Variants in SULF1 observed in about 807,000 individuals in gnomAD.
SULF1 encodes the protein extracellular sulfatase Sulf-1.
Under a neutral mutation model 110.5 loss-of-function variants are expected in SULF1, and 46 were observed. That is an observed-to-expected ratio of 0.42 (90% CI 0.33 to 0.53). The LOEUF is 0.53. Among genes scored for constraint, SULF1 ranks in the 20% least tolerant of loss-of-function variants. The pLI, the probability that SULF1 is intolerant of heterozygous loss-of-function variation, is 0.12. For missense variants in SULF1, 941 were observed against 1,094.2 expected (o/e 0.86, Z 1.98); for synonymous variants, 371 against 387.1 (o/e 0.96, Z 0.49).
chr8:69,485,218 G>T (rs1248664605), intron 1 of SULF1, among the ~76,000 whole-genome samples: 4 of 152,098 alleles, frequency 2.6e-5, no homozygotes, highest in African/African-American at 7.2e-5. Context: ...CCCAAAATAG[G>T]AATGACTAGG....
At chr8:69,637,011 G>A (rs1225054551) in intron 19 of SULF1, among the ~76,000 whole-genome samples, 1 of 152,096 alleles carries the variant, frequency 6.6e-6, no homozygotes, top group Non-Finnish European at 1.5e-5. Flanking sequence ...GCTGTTCATC[G>A]CACGTCACAA....
chr8:69,636,025 T>C (rs1185279005), intron 19 of SULF1, among the ~76,000 whole-genome samples: 3 of 152,116 alleles, frequency 2.0e-5, no homozygotes, highest in African/African-American at 7.2e-5. Context: ...AGAGGTAGCT[T>C]TGGGGATTAA....
rs113503817 is a variant in SULF1 at position 69,601,383 on chromosome 8, C to T, written c.886-271C>T. 5.8e-4 allele frequency among the ~76,000 whole-genome samples: 88 copies of T among 152,108 alleles called. No individual in the cohort carries two copies. In the South Asian group the frequency reaches 0.015, roughly 27 times the overall value. Reference sequence around the variant, plus strand: ...AAGTTTGATGGTAGAGGTTGTTGTGCGGGGTGTTTTTGTTTTTGTTCTACC... The same window carrying T: ...AAGTTTGATGGTAGAGGTTGTTGTGTGGGGTGTTTTTGTTTTTGTTCTACC... On this transcript the variant is annotated intron_variant, in intron 9 of 22. Transcript: ENST00000402687.
intron 5 of SULF1, among the ~76,000 whole-genome samples, chr8:69,574,281 A>T (rs1297347172): frequency 6.6e-6 from 1 of 152,132 alleles, no homozygotes; most frequent in African/African-American, 2.4e-5. Context: ...TTTCATGAAG[A>T]GAATTCTCCA....
intron 3 of SULF1, among the ~76,000 whole-genome samples, chr8:69,518,023 T>G (rs1041869716): frequency 6.6e-6 from 1 of 152,248 alleles, no homozygotes; most frequent in Non-Finnish European, 1.5e-5. Flanking sequence ...GGCTTTCAGT[T>G]AGTTGAACTT....
chr8:69,547,057 T>C (rs535334978), intron 3 of SULF1, among the ~76,000 whole-genome samples: 26 of 152,310 alleles, frequency 1.7e-4, no homozygotes, highest in African/African-American at 6.0e-4. Context: ...AAGTTGACAA[T>C]TATAAAACAA....
chr8:69,599,834 T>C (rs989886703), intron 8 of SULF1, among the ~76,000 whole-genome samples: 4 of 152,106 alleles, frequency 2.6e-5, no homozygotes, highest in African/African-American at 9.7e-5. Context: ...AGGTGACATA[T>C]TTTTTTGAGT....
chr8:69,521,468 G>A (rs1449961014), intron 3 of SULF1, among the ~76,000 whole-genome samples: 1 of 152,184 alleles, frequency 6.6e-6, no homozygotes, highest in Non-Finnish European at 1.5e-5. Context: ...GAGGTGGTAA[G>A]ATTTGAACAA....
intron 15 of SULF1, among the ~76,000 whole-genome samples, chr8:69,625,091 G>C (rs1399908281): frequency 9.2e-5 from 14 of 152,272 alleles, no homozygotes; most frequent in Non-Finnish European, 4.4e-5. Context: ...CCCTGGGGCT[G>C]TTTGTTTACT....
At chr8:69,638,449 CT>C in intron 19 of SULF1, 52 bp from the exon 20 acceptor site, 3 of 1,587,462 alleles carry the variant, frequency 1.9e-6, no homozygotes, top group Non-Finnish European at 1.7e-6. Flanking sequence ...GCAAGCCTGC[CT>C]AAGGTTTTTC....
chr8:69,656,795 G>A (rs1156688126), intron 22 of SULF1, among the ~76,000 whole-genome samples: 2 of 152,196 alleles, frequency 1.3e-5, no homozygotes, highest in Non-Finnish European at 2.9e-5. Context: ...ACGTGCATAT[G>A]TCTTTATAAT....
intron 1 of SULF1, among the ~76,000 whole-genome samples, chr8:69,476,588 C>T (rs1436324769): frequency 2.6e-5 from 4 of 152,282 alleles, no homozygotes; most frequent in East Asian, 3.9e-4. Context: ...ACAGCATTTT[C>T]GTTCCTCAAA....
chr8:69,497,718 G>A (rs1428746333), intron 2 of SULF1, among the ~76,000 whole-genome samples: 3 of 152,102 alleles, frequency 2.0e-5, no homozygotes, highest in Non-Finnish European at 1.5e-5. Flanking sequence ...AGTTTACAAA[G>A]TTTCAGAGCC....
rs536248851 is a variant in SULF1 at position 69,550,300 on chromosome 8, T to C, written c.-133-13239T>C. 1.6e-4 allele frequency among the ~76,000 whole-genome samples: 24 copies of C among 152,050 alleles called. No individual in the cohort carries two copies. The South Asian group carries it at 4.6e-3, about 29-fold the overall frequency. On this transcript the variant is annotated intron_variant, in intron 3 of 22. Transcript: ENST00000402687. The stretch of plus-strand genomic sequence containing the variant: ...AAAAAGAAAAAAAAATGAGTGAAAA[T>C]AGTTCCTACTTCATTGGTGTGTGGC...
chr8:69,574,483 C>T (rs534031333), intron 5 of SULF1, among the ~76,000 whole-genome samples: 2 of 152,302 alleles, frequency 1.3e-5, no homozygotes, highest in South Asian at 2.1e-4. Flanking sequence ...AGCCATCAAT[C>T]CAAGTTCCCT....
intron 8 of SULF1, among the ~76,000 whole-genome samples, chr8:69,591,511 C>T (rs535686697): frequency 7.1e-4 from 108 of 151,822 alleles, no homozygotes; most frequent in African/African-American, 2.4e-3. Context: ...TTGCAGTGAG[C>T]CGAGATCGCA....
At chr8:69,484,551 T>G (rs939627222) in intron 1 of SULF1, among the ~76,000 whole-genome samples, 3 of 152,216 alleles carry the variant, frequency 2.0e-5, no homozygotes, top group Admixed American at 6.5e-5. Context: ...ATTTCACTTT[T>G]AAGAAATTTT....
chr8:69,643,452 T>C (rs1811644478), intron 22 of SULF1, among the ~76,000 whole-genome samples: 1 of 152,082 alleles, frequency 6.6e-6, no homozygotes. Context: ...TGAAATTTGA[T>C]TACAAAAGAT....
chr8:69,600,547 T>C, intron 8 of SULF1, 56 bp from the exon 9 acceptor site: 1 of 1,491,038 alleles, frequency 6.7e-7, no homozygotes, highest in Non-Finnish European at 9.1e-7. Flanking sequence ...TCGAGATATT[T>C]TCCTAAAAGA....
Sources: gnomAD v4.1 joint callset for allele counts (sites outside exome capture counted in the v4.1 genomes callset) on GRCh38, gnomAD v4.1.1 for gene constraint, MANE v1.5 for transcripts, NCBI Gene and HGNC (gene_info 2026-07-23, HGNC 2026-07-21) for gene names.